Variants in PTPRT observed in about 807,000 individuals in gnomAD.
PTPRT encodes the protein protein tyrosine phosphatase receptor type T.
Under a neutral mutation model 176.8 loss-of-function variants are expected in PTPRT, and 56 were observed. The ratio of observed to expected loss-of-function variants is 0.32; its 90% confidence interval spans 0.26 to 0.40. PTPRT has a LOEUF of 0.40. Among genes scored for constraint, PTPRT ranks in the 10% least tolerant of loss-of-function variants. The pLI, the probability that PTPRT is intolerant of heterozygous loss-of-function variation, is 1.00. For missense variants in PTPRT, 1,540 were observed against 1,908.2 expected, an observed-to-expected ratio of 0.81 and a Z score of 3.60; for synonymous variants, 783 against 739.0, an observed-to-expected ratio of 1.06 and a Z score of -0.96.
chr20:42,493,361 G>T (rs560483582), intron 7 of PTPRT, among the ~76,000 whole-genome samples: 68 of 151,238 alleles, frequency 4.5e-4, no homozygotes, highest in African/African-American at 1.3e-3. Flanking sequence ...ACTTTGAGGG[G>T]TTTTTTTTTA....
intron 14 of PTPRT, among the ~76,000 whole-genome samples, chr20:42,248,379 C>T (rs1342125779): frequency 6.6e-6 from 1 of 152,194 alleles, no homozygotes; most frequent in African/African-American, 2.4e-5. Flanking sequence ...GATAACAACA[C>T]AGCAGTTAAC....
intron 7 of PTPRT, among the ~76,000 whole-genome samples, chr20:42,616,069 A>G (rs2074070660): frequency 7.6e-6 from 1 of 131,326 alleles, no homozygotes. Context: ...TTATGGTTTT[A>G]GGTCTAACGT....
At chr20:42,790,240 A>C (rs1006332809) in intron 3 of PTPRT, among the ~76,000 whole-genome samples, 2 of 150,694 alleles carry the variant, frequency 1.3e-5, no homozygotes, top group South Asian at 4.2e-4. Flanking sequence ...AAAAAAAAAC[A>C]AAACTTTCAA....
At chr20:42,337,705 A>G (rs1277049817) in intron 11 of PTPRT, among the ~76,000 whole-genome samples, 2 of 152,198 alleles carry the variant, frequency 1.3e-5, no homozygotes, top group Non-Finnish European at 2.9e-5. Context: ...GAGCCTAAAC[A>G]CTTGCATTTC....
At chr20:42,769,125 G>A (rs1048827585) in intron 5 of PTPRT, among the ~76,000 whole-genome samples, 4 of 152,176 alleles carry the variant, frequency 2.6e-5, no homozygotes, top group Admixed American at 2.0e-4. Flanking sequence ...GGTTTCTTAT[G>A]CTCTCCTGTG....
chr20:42,607,111 T>C (rs2073891333), intron 7 of PTPRT, among the ~76,000 whole-genome samples: 1 of 152,214 alleles, frequency 6.6e-6, no homozygotes, highest in African/African-American at 2.4e-5. Flanking sequence ...ATTATATAAT[T>C]CTACTTACAT....
intron 12 of PTPRT, among the ~76,000 whole-genome samples, chr20:42,311,769 T>C (rs577851511): frequency 6.6e-6 from 1 of 152,170 alleles, no homozygotes; most frequent in Non-Finnish European, 1.5e-5. Flanking sequence ...TGTTTACTTA[T>C]AGTTTTCTTT....
intron 9 of PTPRT, 25 bp from the exon 10 acceptor site, chr20:42,352,310 C>G (rs781539906): frequency 1.2e-6 from 2 of 1,612,324 alleles, no homozygotes; most frequent in Non-Finnish European, 1.7e-6. Context: ...AGCAAACAAA[C>G]AAACAAATAA....
At chr20:43,083,347 T>TACAC (rs1555828979) in intron 1 of PTPRT, among the ~76,000 whole-genome samples, 2 of 97,784 alleles carry the variant, frequency 2.0e-5, no homozygotes, top group African/African-American at 7.1e-5. Flanking sequence ...TATATATATA[T>TACAC]ATATATATAT....
rs926171503 is a variant in PTPRT, at chr20:42,463,390, C to T, written c.1450+8876G>A. On this transcript the variant is annotated intron_variant, in intron 8 of 30. Coordinates refer to ENST00000373187, the MANE Select transcript of PTPRT (RefSeq NM_007050.6). ...AGAGTTCTACAACAAAGGTTAATTA[C>T]TTTATAATTTCATTCTCTTAAAAAA... 2.3e-3 allele frequency among the ~76,000 whole-genome samples: 348 copies of T among 152,126 alleles called. 3 individuals are homozygous for T. Among genetic ancestry groups the T allele is most frequent in the Non-Finnish European group, 7.6e-4 (52 of 67,998 alleles).
chr20:43,023,734 C>A lies in PTPRT; in HGVS notation c.89-137802G>T, dbSNP rs536018234. 5.9e-5 allele frequency among the ~76,000 whole-genome samples: 9 copies of A among 152,272 alleles called. No individual in the cohort carries two copies. The East Asian group carries it at 1.4e-3, about 23-fold the overall frequency. On this transcript the variant is annotated intron_variant, in intron 1 of 30. Transcript: ENST00000373187. ...GCTCTGGCCCAATTCTGCATCTCTC[C>A]CTCAACGAAGCCCTGTAGCTGCCCT...
chr20:43,087,449 C>T (rs1372807866), intron 1 of PTPRT, among the ~76,000 whole-genome samples: 1 of 149,814 alleles, frequency 6.7e-6, no homozygotes, highest in Non-Finnish European at 1.5e-5. Flanking sequence ...CTGCAACCTC[C>T]ACCTCTCAGA....
intron 1 of PTPRT, among the ~76,000 whole-genome samples, chr20:43,163,959 C>G (rs1156371953): frequency 1.3e-5 from 2 of 152,108 alleles, no homozygotes; most frequent in African/African-American, 4.8e-5. Context: ...AAGGGTAGAG[C>G]AGAAGAGGGT....
intron 1 of PTPRT, among the ~76,000 whole-genome samples, chr20:42,984,973 A>C (rs1173694259): frequency 6.6e-6 from 1 of 152,334 alleles, no homozygotes; most frequent in African/African-American, 2.4e-5. Context: ...TACTGGTAGA[A>C]GACAGTGGGG....
At chr20:43,136,418 T>C (rs1325233557) in intron 1 of PTPRT, among the ~76,000 whole-genome samples, 1 of 152,228 alleles carries the variant, frequency 6.6e-6, no homozygotes, top group Non-Finnish European at 1.5e-5. Context: ...AATCATGTTT[T>C]CCGCCCCTTT....
chr20:42,161,354 C>T lies in PTPRT; in HGVS notation c.2680G>A (p.Glu894Lys), dbSNP rs746391800. The T allele has an allele frequency of 4.0e-5, 65 of 1,613,964 alleles. No individual in the cohort carries two copies. Among genetic ancestry groups the T allele is most frequent in the East Asian group, 2.0e-4 (9 of 44,874 alleles). The part of the protein sequence containing the change: ...GQGYGFKEEY[E>K]ALPEGQTASW... Reference sequence around the variant, plus strand: ...TTCCCCACAGGCTGGTCTCTTACCTCGTATTCCTCCTTGAACCCGTAGCCC... The same window carrying T: ...TTCCCCACAGGCTGGTCTCTTACCTTGTATTCCTCCTTGAACCCGTAGCCC... The change falls in exon 17 of 31, where the codon GAG (glutamate) becomes AAG (lysine). Residue 894 changes from glutamate to lysine, a missense_variant and splice_region_variant. This residue lies in a region of PTPRT where 248 missense variants were observed against 356.7 expected (regional missense o/e 0.70). Coordinates refer to ENST00000373187, the MANE Select transcript of PTPRT (RefSeq NM_007050.6).
At chr20:42,740,053 G>A (rs745433018) in intron 6 of PTPRT, among the ~76,000 whole-genome samples, 3 of 152,130 alleles carry the variant, frequency 2.0e-5, no homozygotes, top group Non-Finnish European at 4.4e-5. Context: ...GTCTAGAATC[G>A]GACGCTCAAC....
At chr20:43,046,501 G>A (rs1157321142) in intron 1 of PTPRT, among the ~76,000 whole-genome samples, 2 of 151,848 alleles carry the variant, frequency 1.3e-5, no homozygotes, top group South Asian at 2.1e-4. Flanking sequence ...CCCGGGAGGC[G>A]GAGCTTGCAG....
chr20:42,695,958 A>G (rs143506290), intron 6 of PTPRT, among the ~76,000 whole-genome samples: 2,420 of 151,850 alleles, frequency 0.016, 31 homozygotes, highest in Non-Finnish European at 0.024. Flanking sequence ...TCCTCCTGTC[A>G]TTCATGGCCT....
Sources: allele counts gnomAD v4.1 joint callset (sites outside exome capture counted in the v4.1 genomes callset), GRCh38; gene constraint gnomAD v4.1.1; regional missense constraint gnomAD v4.1.1; transcripts MANE v1.5; gene names NCBI Gene and HGNC (gene_info 2026-07-23, HGNC 2026-07-21).